Variants in TTF2 observed in about 807,000 individuals in gnomAD.
TTF2 encodes the protein transcription termination factor 2.
Under a neutral mutation model 142.4 loss-of-function variants are expected in TTF2, and 108 were observed. The observed-to-expected ratio is 0.76, with a 90% CI of 0.65 to 0.89. The LOEUF is 0.89. Ranked by LOEUF, TTF2 falls within the 40% of genes least tolerant of loss-of-function variation. The pLI, the probability that TTF2 is intolerant of heterozygous loss-of-function variation, is 0.00. For missense variants in TTF2, 1,327 were observed against 1,379.8 expected, an observed-to-expected ratio of 0.96 and a Z score of 0.61; for synonymous variants, 483 against 506.2, an observed-to-expected ratio of 0.95 and a Z score of 0.61.
chr1:117,092,885 T>C lies in TTF2; in HGVS notation c.2960T>C (p.Met987Thr), dbSNP rs76420409. 2.6e-3 allele frequency: 4,132 copies of C among 1,614,184 alleles called. 56 individuals are homozygous for C. In the African/African-American group the frequency reaches 0.038, roughly 15 times the overall value. Residue 987 changes from methionine (M) to threonine (T), a missense_variant, in exon 18 of 23, where the codon ATG (methionine) becomes ACG (threonine). Transcript: ENST00000369466. This position sits in a 1 kb window ranked among gnomAD's most constrained non-coding sequence, Gnocchi z 4.4. The part of the protein sequence containing the change: ...TFFKMELFEG[M>T]RESTKISSLL... ...TTCAAGATGGAGCTTTTTGAAGGCA[T>C]GCGAGAGAGCACCAAGGTACTTTTT...
At position 117,095,308 on chromosome 1, in the gene TTF2, G is replaced by A. The variant is rs1002133524; in HGVS notation, c.2977-1G>A. ...ACAATGTTGATGTAACCTTTTCCCA[G>A]ATTTCATCTCTGTTGGCAGAATTGG... is the stretch of plus-strand genomic sequence containing the variant. On this transcript the variant is annotated splice_acceptor_variant, in intron 18 of 22. Transcript: ENST00000369466. LOFTEE classifies it high-confidence loss of function. 1 of 1,614,022 alleles carries A rather than the reference G, an allele frequency of 6.2e-7. No individual in the cohort carries two copies. Among genetic ancestry groups the A allele is most frequent in the African/African-American group, 1.3e-5 (1 of 74,918 alleles).
chr1:117,070,933 G>A lies in TTF2; in HGVS notation c.219-2728G>A, dbSNP rs1656521869. 1.3e-5 allele frequency among the ~76,000 whole-genome samples: 2 copies of A among 152,122 alleles called. No individual in the cohort carries two copies. On this transcript the variant is annotated intron_variant, in intron 3 of 22. Transcript: ENST00000369466. This position sits in a 1 kb window ranked among gnomAD's most constrained non-coding sequence, Gnocchi z 4.2. ...GACCTGCTCAGGACCCCTGAATTAG[G>A]ATGCAGACTGTTGTGATTCATGTTG...
Position 117,076,781 on chromosome 1 carries a change from G to T in TTF2, c.1531G>T (p.Ala511Ser), listed in dbSNP as rs775760029. 19 of 1,613,978 alleles carry T rather than the reference G, an allele frequency of 1.2e-5. No homozygotes were observed. In the Middle Eastern group the frequency reaches 6.6e-4, roughly 56 times the overall value. ...QPVGSLELKSACQVTAGGSSQ... is the reference protein window; with the variant it reads ...QPVGSLELKSSCQVTAGGSSQ... ...TGTGGGTTCTCTAGAACTAAAGTCT[G>T]CCTGCCAGGTGACTGCTGGAGGATC... The change falls in exon 7 of 23, where the codon GCC becomes TCC. Residue 511 changes from alanine (A) to serine (S), a missense_variant. By Grantham distance (99) the Ala-to-Ser change is moderately conservative. Transcript: ENST00000369466. The surrounding 1 kb of genome is among the most constrained non-coding windows in gnomAD (Gnocchi z 4.6).
At chr1:117,098,525 C>G (rs1458508843) in intron 21 of TTF2, 1 of 234,424 alleles carries the variant, frequency 4.3e-6, no homozygotes, top group Non-Finnish European at 8.4e-6. Flanking sequence ...TATTAACAGT[C>G]TGACCCTAGT....
intron 9 of TTF2, among the ~76,000 whole-genome samples, chr1:117,081,144 G>C (rs1230932891): frequency 6.6e-6 from 1 of 152,210 alleles, no homozygotes; most frequent in African/African-American, 2.4e-5. Context: ...GCAGGCCTAT[G>C]GGCCTGCTAT....
intron 3 of TTF2, among the ~76,000 whole-genome samples, chr1:117,071,816 A>C (rs191404985): frequency 6.6e-6 from 1 of 152,288 alleles, no homozygotes; most frequent in East Asian, 1.9e-4. Flanking sequence ...ATACCTGGAC[A>C]GTCAGCTATA....
chr1:117,096,515 T>C (rs1292394375), intron 20 of TTF2, among the ~76,000 whole-genome samples: 1 of 152,326 alleles, frequency 6.6e-6, no homozygotes, highest in East Asian at 1.9e-4. Flanking sequence ...GTAGCTGGGA[T>C]TACAGGCTCC....
intron 19 of TTF2, 110 bp from the exon 20 acceptor site, chr1:117,096,039 C>CT: frequency 7.7e-7 from 1 of 1,300,092 alleles, no homozygotes; most frequent in African/African-American, 1.5e-5. Flanking sequence ...AAGGCCTTTC[C>CT]TTGTCAACAT....
rs1468404112 is a variant in TTF2, at chr1:117,079,446, GTC to G, written c.1702-120_1702-119del. On this transcript the variant is annotated intron_variant, in intron 8 of 22. Coordinates refer to ENST00000369466, the MANE Select transcript of TTF2 (RefSeq NM_003594.4). The surrounding 1 kb of genome is among the most constrained non-coding windows in gnomAD (Gnocchi z 4.2). ...TAAGGACTTCAAGGTGAAATGAACT[GTC>G]TACAGAATACTGAGGGAATCATTTG... 1.1e-6 allele frequency: 1 copy of G among 893,344 alleles called. No individual in the cohort carries two copies. Among genetic ancestry groups the G allele is most frequent in the African/African-American group, 1.6e-5 (1 of 61,024 alleles). 55.3% of individuals were successfully genotyped at this position (893,344 alleles called of 1,614,324 possible).
At chr1:117,096,015 C>T in intron 19 of TTF2, 134 bp from the exon 20 acceptor site, 1 of 885,424 alleles carries the variant, frequency 1.1e-6, no homozygotes, top group South Asian at 1.7e-5. Context: ...TGTGCCTTCT[C>T]CCTTAGGTAG....
Position 117,099,253 on chromosome 1 carries a change from T to C in TTF2, c.3344+346T>C, listed in dbSNP as rs1313498725. On this transcript the variant is annotated intron_variant, in intron 22 of 22. Transcript: ENST00000369466. The surrounding 1 kb of genome is among the most constrained non-coding windows in gnomAD (Gnocchi z 4.3). Reference sequence around the variant, plus strand: ...AGTACCAAAAAGTTCCCATATATTATGGTGTGCATGTGGGTAGAAACATTT... The same window carrying C: ...AGTACCAAAAAGTTCCCATATATTACGGTGTGCATGTGGGTAGAAACATTT... Among the ~76,000 whole-genome samples the C allele has an allele frequency of 6.6e-6, 1 of 152,196 alleles. No homozygotes were observed. The highest frequency in any genetic ancestry group is 2.4e-5 in the African/African-American group (1 of 41,438).
In TTF2 at chr1:117,086,247, ATGTGTG is replaced by A. The variant is rs3831091; in HGVS notation, c.2055-151_2055-146del. 1.7e-4 allele frequency among the ~76,000 whole-genome samples: 25 copies of A among 148,884 alleles called. No individual in the cohort carries two copies. Among genetic ancestry groups the A allele is most frequent in the African/African-American group, 5.2e-4 (21 of 40,744 alleles). On this transcript the variant is annotated intron_variant, in intron 11 of 22. Coordinates refer to ENST00000369466, the MANE Select transcript of TTF2 (RefSeq NM_003594.4). The surrounding 1 kb of genome is among the most constrained non-coding windows in gnomAD (Gnocchi z 4.2). ...CAAGTGGGTAAAATTTACCTCCAAAATGTGTGTGTGTGTGTGTGTGTGTGCGTGTGT... is the reference window on the plus strand; with the variant it reads ...CAAGTGGGTAAAATTTACCTCCAAAATGTGTGTGTGTGTGTGTGCGTGTGT...
Position 117,093,365 on chromosome 1 carries a change from C to T in TTF2, c.2976+464C>T, listed in dbSNP as rs1234741189. 6.6e-6 allele frequency among the ~76,000 whole-genome samples: 1 copy of T among 152,216 alleles called. No individual in the cohort carries two copies. The highest frequency in any genetic ancestry group is 6.5e-5 in the Admixed American group (1 of 15,284). On this transcript the variant is annotated intron_variant, in intron 18 of 22. Coordinates refer to ENST00000369466, the MANE Select transcript of TTF2 (RefSeq NM_003594.4). The surrounding 1 kb of genome is among the most constrained non-coding windows in gnomAD (Gnocchi z 4.5). ...TAGCCTTCTGTCTTCATTAGTCATT[C>T]TGCTCTGTTTTCGTCAGAGCTTTTT...
rs3820493 is a variant in TTF2, at chr1:117,087,657, C to T, written c.2160+1135C>T. ...CTCATCTCTTGATGACACCCTGCCC[C>T]TCCCTGGGGCACCTCTTGCTCAGTC... On this transcript the variant is annotated intron_variant, in intron 12 of 22. Transcript: ENST00000369466. The surrounding 1 kb of genome is among the most constrained non-coding windows in gnomAD (Gnocchi z 4.8). Among the ~76,000 whole-genome samples, 27,270 of 152,116 alleles carry T rather than the reference C, an allele frequency of 0.18. 3,503 individuals carry two copies. The highest frequency in any genetic ancestry group is 0.6 in the East Asian group (3,089 of 5,140).
chr1:117,097,285 A>AGGT lies in TTF2; in HGVS notation c.3187-66_3187-65insGGT. 7.0e-7 allele frequency: 1 copy of AGGT among 1,419,734 alleles called. No individual in the cohort carries two copies. The highest frequency in any genetic ancestry group is 1.2e-5 in the South Asian group (1 of 86,954). The allele number at this position is 1,419,734 out of a possible 1,614,324, so 87.9% of individuals were successfully genotyped here. A position where few individuals can be genotyped will look rare whatever the true frequency, so the allele number is the denominator to read the frequency against. Reference sequence around the variant, plus strand: ...TTATCTGTATTGATTGTGGACTTAAACCTGAGACCGAGATGTGTTACGAGA... The same window carrying AGGT: ...TTATCTGTATTGATTGTGGACTTAAAGGTCCTGAGACCGAGATGTGTTACGAGA... On this transcript the variant is annotated intron_variant, in intron 20 of 22. Transcript: ENST00000369466. This position sits in a 1 kb window ranked among gnomAD's most constrained non-coding sequence, Gnocchi z 4.1.
At position 117,080,865 on chromosome 1, in the gene TTF2, G is replaced by T. The variant is rs1266020845; in HGVS notation, c.1784-963G>T. On this transcript the variant is annotated intron_variant, in intron 9 of 22. Transcript: ENST00000369466. This position sits in a 1 kb window ranked among gnomAD's most constrained non-coding sequence, Gnocchi z 4.3. ...GGATATGCTTAATTCTCCCAGCAGG[G>T]AGTTGTGACAACAGGCGTCAAAGGT... 3.9e-5 allele frequency among the ~76,000 whole-genome samples: 6 copies of T among 152,156 alleles called. No homozygotes were observed. In the East Asian group the frequency reaches 9.6e-4, roughly 24 times the overall value.
rs554767558 is a variant in TTF2, at chr1:117,102,755, A to T, written c.*1231A>T. 1.3e-5 allele frequency: 2 copies of T among 150,668 alleles called. No individual in the cohort carries two copies. The highest frequency in any genetic ancestry group is 5.0e-5 in the African/African-American group (2 of 40,084). The allele number at this position is 150,668 out of a possible 1,614,324, so 9.3% of individuals were successfully genotyped here. ...AATACTAATCCAATCCAATACTAAT[A>T]ATACTATTGGTACAATCCAATACTA... On this transcript the variant is annotated 3_prime_UTR_variant, in exon 23 of 23. Transcript: ENST00000369466.
At chr1:117,096,381 G>A (rs1570883335) in intron 20 of TTF2, 82 bp downstream of exon 20, 1 of 1,531,484 alleles carries the variant, frequency 6.5e-7, no homozygotes, top group African/African-American at 1.4e-5. Flanking sequence ...GTTGGTTTTT[G>A]TTTTTGTCTT....
Position 117,070,280 on chromosome 1 carries a change from A to G in TTF2, c.219-3381A>G, listed in dbSNP as rs1656471133. ...ATTCTGAGAAATGCGTCATTAGGAG[A>G]TTTCATTTTTGTGTGAACGTCACTG... On this transcript the variant is annotated intron_variant, in intron 3 of 22. Transcript: ENST00000369466. This position sits in a 1 kb window ranked among gnomAD's most constrained non-coding sequence, Gnocchi z 4.2. Among the ~76,000 whole-genome samples, 1 of 152,222 alleles carries G rather than the reference A, an allele frequency of 6.6e-6. No individual in the cohort carries two copies. The highest frequency in any genetic ancestry group is 1.5e-5 in the Non-Finnish European group (1 of 68,038).
Sources: allele counts gnomAD v4.1 joint callset (sites outside exome capture counted in the v4.1 genomes callset), GRCh38; gene constraint gnomAD v4.1.1; non-coding constraint Gnocchi (gnomAD v3.1); transcripts MANE v1.5; gene names NCBI Gene and HGNC (gene_info 2026-07-23, HGNC 2026-07-21).